ANKS1B: variants seen among roughly 807,000 people sequenced by gnomAD.
ANKS1B encodes the protein ankyrin repeat and sterile alpha motif domain containing 1B.
Under a neutral mutation model 148.3 loss-of-function variants are expected in ANKS1B, and 36 were observed. The ratio of observed to expected loss-of-function variants is 0.24; its 90% confidence interval spans 0.19 to 0.32. The LOEUF (loss-of-function observed/expected upper bound fraction) is 0.32. Ranked by LOEUF, ANKS1B falls within the 10% of genes least tolerant of loss-of-function variation. ANKS1B has a pLI of 1.00. For synonymous variants in ANKS1B, 542 were observed against 560.8 expected (o/e 0.97, Z 0.47); for missense variants, 1,157 against 1,542.6 (o/e 0.75, Z 4.19).
chr12:99,609,951 T>C (rs940406514), intron 9 of ANKS1B, among the ~76,000 whole-genome samples: 1 of 152,074 alleles, frequency 6.6e-6, no homozygotes. Context: ...CTTTGCCGGC[T>C]TTTGGTCAGT....
intron 12 of ANKS1B, among the ~76,000 whole-genome samples, chr12:99,361,850 GA>G (rs1236083884): frequency 6.6e-6 from 1 of 151,892 alleles, no homozygotes; most frequent in African/African-American, 2.4e-5. Context: ...AATTTCAAAG[GA>G]AAAATTTGAA....
chr12:98,902,124 G>C (rs779622817), intron 17 of ANKS1B, among the ~76,000 whole-genome samples: 5 of 152,158 alleles, frequency 3.3e-5, no homozygotes, highest in Admixed American at 6.5e-5. Flanking sequence ...AATCCAAGGG[G>C]AATGAATATA....
At chr12:98,947,645 T>A (rs1209289389) in intron 17 of ANKS1B, among the ~76,000 whole-genome samples, 2 of 152,154 alleles carry the variant, frequency 1.3e-5, no homozygotes, top group African/African-American at 4.8e-5. Context: ...ATTAATCACA[T>A]CCCCCTACTT....
At position 99,022,651 on chromosome 12, in the gene ANKS1B, C is replaced by T. The variant is rs139948835; in HGVS notation, c.2778+30506G>A. Reference sequence around the variant, plus strand: ...CCATCTGTGTTTTGTTACTGAATTTCGAGGGTATGTTGAAGTTTCTCTTTT... The same window carrying T: ...CCATCTGTGTTTTGTTACTGAATTTTGAGGGTATGTTGAAGTTTCTCTTTT... On this transcript the variant is annotated intron_variant, in intron 17 of 26. Transcript: ENST00000683438. Among the ~76,000 whole-genome samples, 24 of 151,988 alleles carry T rather than the reference C, an allele frequency of 1.6e-4. 1 individual carries two copies. In the East Asian group the frequency reaches 4.3e-3, roughly 27 times the overall value.
chr12:99,757,456 T>TG (rs2061675686), intron 8 of ANKS1B, among the ~76,000 whole-genome samples: 1 of 151,866 alleles, frequency 6.6e-6, no homozygotes, highest in Admixed American at 6.6e-5. Flanking sequence ...GGCAAGGTTA[T>TG]GGAAAAAAAA....
intron 22 of ANKS1B, among the ~76,000 whole-genome samples, chr12:98,782,358 C>T (rs1008136729): frequency 1.1e-4 from 17 of 152,206 alleles, no homozygotes; most frequent in African/African-American, 4.1e-4. Context: ...TTCTCTGTTT[C>T]TCATCATTCT....
At chr12:99,633,521 A>G (rs990216817) in intron 9 of ANKS1B, among the ~76,000 whole-genome samples, 6 of 152,210 alleles carry the variant, frequency 3.9e-5, no homozygotes, top group African/African-American at 1.4e-4. Flanking sequence ...TAGACCTAAA[A>G]CCATAAAAAT....
intron 16 of ANKS1B, among the ~76,000 whole-genome samples, chr12:99,076,514 G>T (rs1339127274): frequency 6.6e-6 from 1 of 152,150 alleles, no homozygotes; most frequent in Non-Finnish European, 1.5e-5. Context: ...CCTGTCTATT[G>T]ATTGAAATAA....
At chr12:98,849,631 T>C (rs1209810336) in intron 17 of ANKS1B, among the ~76,000 whole-genome samples, 3 of 152,210 alleles carry the variant, frequency 2.0e-5, no homozygotes, top group East Asian at 3.8e-4. Context: ...AAGTTTTGCA[T>C]CTAGCTAGGA....
At chr12:99,397,871 G>T (rs1276948987) in intron 12 of ANKS1B, among the ~76,000 whole-genome samples, 1 of 152,090 alleles carries the variant, frequency 6.6e-6, no homozygotes, top group Non-Finnish European at 1.5e-5. Context: ...AGGCCTCTAT[G>T]AGGAAATGCA....
chr12:99,103,145 G>C (rs971858943), intron 15 of ANKS1B, among the ~76,000 whole-genome samples: 8 of 152,024 alleles, frequency 5.3e-5, no homozygotes, highest in African/African-American at 1.9e-4. Flanking sequence ...GATGGGTGAG[G>C]TGTAGAATCC....
At chr12:98,862,386 GA>G (rs2099603626) in intron 17 of ANKS1B, among the ~76,000 whole-genome samples, 1 of 152,098 alleles carries the variant, frequency 6.6e-6, no homozygotes, top group African/African-American at 2.4e-5. Context: ...GTTTGTGTGA[GA>G]ATTAAATGAG....
chr12:99,035,299 C>T (rs1489381588), intron 17 of ANKS1B, among the ~76,000 whole-genome samples: 2 of 152,130 alleles, frequency 1.3e-5, no homozygotes, highest in African/African-American at 2.4e-5. Context: ...TCTGACTTAC[C>T]TTGTTTGACT....
At chr12:99,984,044 G>T in intron 1 of ANKS1B, 60 bp downstream of exon 1, 2 of 1,422,088 alleles carry the variant, frequency 1.4e-6, no homozygotes, top group South Asian at 2.6e-5. Flanking sequence ...GGAGGAGGAC[G>T]TATATCCATC....
At chr12:99,900,695 TGGATAC>T (rs2093570239) in intron 1 of ANKS1B, among the ~76,000 whole-genome samples, 1 of 152,110 alleles carries the variant, frequency 6.6e-6, no homozygotes, top group South Asian at 2.1e-4. Context: ...TGATTCATAA[TGGATAC>T]TTGTCTCAGC....
intron 10 of ANKS1B, among the ~76,000 whole-genome samples, chr12:99,461,900 C>T (rs1458561540): frequency 1.3e-5 from 2 of 152,188 alleles, no homozygotes; most frequent in African/African-American, 2.4e-5. Flanking sequence ...GATACAATGT[C>T]CAATCACTTC....
At chr12:99,850,835 T>A (rs1273898054) in intron 1 of ANKS1B, among the ~76,000 whole-genome samples, 1 of 152,070 alleles carries the variant, frequency 6.6e-6, no homozygotes, top group Non-Finnish European at 1.5e-5. Flanking sequence ...CAGCCACAAA[T>A]ATAAATCCTA....
intron 12 of ANKS1B, among the ~76,000 whole-genome samples, chr12:99,382,572 C>T (rs1305320907): frequency 6.6e-6 from 1 of 151,848 alleles, no homozygotes; most frequent in Non-Finnish European, 1.5e-5. Flanking sequence ...GTGGCACATG[C>T]CTGTAGTCCC....
intron 1 of ANKS1B, among the ~76,000 whole-genome samples, chr12:99,860,261 G>C (rs768326504): frequency 6.6e-6 from 1 of 152,162 alleles, no homozygotes; most frequent in Non-Finnish European, 1.5e-5. Context: ...AAGAACATGA[G>C]ATCTTGAGTG....
Sources: gnomAD v4.1 joint callset for allele counts (sites outside exome capture counted in the v4.1 genomes callset) on GRCh38, gnomAD v4.1.1 for gene constraint, MANE v1.5 for transcripts, NCBI Gene and HGNC (gene_info 2026-07-23, HGNC 2026-07-21) for gene names.